Variants in SRSF7 observed in about 807,000 individuals in gnomAD.
SRSF7 encodes serine and arginine rich splicing factor 7, also known as serine/arginine-rich splicing factor 7.
SRSF7 carries 15 observed loss-of-function variants against 42.2 expected under a neutral mutation model. The observed-to-expected ratio is 0.36, with a 90% confidence interval of 0.24 to 0.55. The LOEUF (loss-of-function observed/expected upper bound fraction) is 0.55, where lower values mean the gene tolerates loss of function less well. Ranked by LOEUF, SRSF7 falls within the 20% of genes least tolerant of loss-of-function variation. The probability of loss-of-function intolerance (pLI) is 0.88; values close to 1 mark genes in which losing one functional copy is unlikely to be tolerated. For missense variants in SRSF7, 181 were observed against 305.9 expected (o/e 0.59, Z 3.04); for synonymous variants, 138 against 107.9 (o/e 1.28, Z -1.73).
Position 38,744,672 on chromosome 2 carries a change from G to C in SRSF7, c.*461C>G. ...ATGATGCATTCAGGCTGTATCATAA[G>C]GGACTCAGGTCATCTTACCCAGAGC... is the stretch of plus-strand genomic sequence containing the variant. On this transcript the variant is annotated 3_prime_UTR_variant, in exon 8 of 8. Coordinates refer to ENST00000313117, the MANE Select transcript of SRSF7 (RefSeq NM_001031684.3). The C allele has an allele frequency of 6.2e-6, 1 of 161,264 alleles. No homozygotes were observed. The highest frequency in any genetic ancestry group is 2.4e-5 in the African/African-American group (1 of 41,456). 10.0% of individuals were successfully genotyped at this position (161,264 alleles called of 1,614,324 possible).
At chr2:38,746,211 A>G (rs1017209939) in intron 6 of SRSF7, 32 bp from the exon 7 acceptor site, 3 of 1,612,752 alleles carry the variant, frequency 1.9e-6, no homozygotes, top group South Asian at 1.1e-5. Context: ...TATTAAAGAA[A>G]GAGTACTAAC....
chr2:38,750,289 T>C (rs922686951), intron 1 of SRSF7, 95 bp from the exon 2 acceptor site: 16 of 1,176,620 alleles, frequency 1.4e-5, no homozygotes, highest in African/African-American at 4.6e-5. Context: ...TCCTCAAGAT[T>C]GGGTAAAGCA....
intron 4 of SRSF7, 103 bp downstream of exon 4, chr2:38,748,476 G>C: frequency 8.3e-7 from 1 of 1,203,922 alleles, no homozygotes. Context: ...CCGGGTGACA[G>C]AGCAAGACCC....
intron 7 of SRSF7, among the ~76,000 whole-genome samples, 162 bp downstream of exon 7, chr2:38,745,982 A>G (rs538324783): frequency 3.2e-4 from 49 of 152,172 alleles, no homozygotes; most frequent in Non-Finnish European, 6.8e-4. Flanking sequence ...AACTAATGTT[A>G]CTGAATCAAA....
chr2:38,750,986 C>T (rs1160698482), intron 1 of SRSF7: 4 of 480,210 alleles, frequency 8.3e-6, no homozygotes, highest in Non-Finnish European at 1.5e-5. Flanking sequence ...TCATCTCAAC[C>T]CTGCTTTAGG....
rs958178391 is a variant in SRSF7, at chr2:38,750,258, T to C, written c.29-64A>G. 8 of 1,502,416 alleles carry C rather than the reference T, an allele frequency of 5.3e-6. No homozygotes were observed. The African/African-American group carries it at 9.8e-5, about 18-fold the overall frequency. 93.1% of individuals were successfully genotyped at this position (1,502,416 alleles called of 1,614,324 possible). On this transcript the variant is annotated intron_variant, in intron 1 of 7. Coordinates refer to ENST00000313117, the MANE Select transcript of SRSF7 (RefSeq NM_001031684.3). The stretch of plus-strand genomic sequence containing the variant: ...AAATCTGGCCCAAGTTTCAATTACT[T>C]ATTTGCCTTAAAACGGGCCATCCTC...
chr2:38,747,795 G>A (rs924900311), intron 5 of SRSF7, among the ~76,000 whole-genome samples: 3 of 152,178 alleles, frequency 2.0e-5, no homozygotes, highest in Non-Finnish European at 4.4e-5. Context: ...TGCCTACCCA[G>A]AGTGTTGAGT....
chr2:38,748,818 TAAAA>T, intron 3 of SRSF7, 165 bp from the exon 4 acceptor site: 4 of 1,257,696 alleles, frequency 3.2e-6, no homozygotes, highest in Non-Finnish European at 4.3e-6. Flanking sequence ...TTTTACTACC[TAAAA>T]AAAGATTTGT....
intron 1 of SRSF7, chr2:38,750,914 CGCCGAG>C (rs1348519125): frequency 5.3e-6 from 2 of 377,066 alleles, no homozygotes; most frequent in Admixed American, 7.5e-5. Flanking sequence ...TGGCAGCCGC[CGCCGAG>C]GGCGGGGGGG....
chr2:38,746,122 G>C, intron 7 of SRSF7, 22 bp downstream of exon 7: 1 of 1,613,964 alleles, frequency 6.2e-7, no homozygotes, highest in Admixed American at 1.7e-5. Context: ...GGCAAGATTT[G>C]GCAACAAAAC....
intron 6 of SRSF7, 95 bp downstream of exon 6, chr2:38,746,599 G>A: frequency 1.3e-6 from 2 of 1,567,666 alleles, no homozygotes; most frequent in South Asian, 1.2e-5. Flanking sequence ...TAAGTTTAGA[G>A]TTAACACTTA....
chr2:38,749,623 G>A lies in SRSF7; in HGVS notation c.292C>T (p.Arg98Cys). 1 of 1,608,770 alleles carries A rather than the reference G, an allele frequency of 6.2e-7. No individual in the cohort carries two copies. The highest frequency in any genetic ancestry group is 8.5e-7 in the Non-Finnish European group (1 of 1,178,698). ...RSRFDRPPAR[R>C]PFDPNDRCYE... Reference sequence around the variant, plus strand: ...CATCTATCATTTGGATCAAAGGGACGTCGGGCAGGTGGTCTATCAAAACGT... The same window carrying A: ...CATCTATCATTTGGATCAAAGGGACATCGGGCAGGTGGTCTATCAAAACGT... The change falls in exon 3 of 8, where the codon CGT (arginine) becomes TGT (cysteine). Residue 98 changes from arginine (R) to cysteine (C), a missense_variant. Arg to Cys is a radical substitution (Grantham distance 180, BLOSUM62 -3). Coordinates refer to ENST00000313117, the MANE Select transcript of SRSF7 (RefSeq NM_001031684.3).
chr2:38,744,882 C>T lies in SRSF7; in HGVS notation c.*251G>A. 2 of 440,494 alleles carry T rather than the reference C, an allele frequency of 4.5e-6. No individual in the cohort carries two copies. Among genetic ancestry groups the T allele is most frequent in the African/African-American group, 4.0e-5 (2 of 50,524 alleles). 27.3% of individuals were successfully genotyped at this position (440,494 alleles called of 1,614,324 possible). A position where few individuals can be genotyped will look rare whatever the true frequency, so the allele number is the denominator to read the frequency against. On this transcript the variant is annotated 3_prime_UTR_variant, in exon 8 of 8. Coordinates refer to ENST00000313117, the MANE Select transcript of SRSF7 (RefSeq NM_001031684.3). ...AATTAAGAAGTGTTAATATTGAACA[C>T]AAATCAAAAATCTAGTTAGAAACAT...
Position 38,751,281 on chromosome 2 carries a change from C to T in SRSF7, c.-25G>A. ...TGATGACAGACCCGCGTGCTCGGCTCTTTAGCAAGCAGCGCCCAGGGCTCG... is the reference window on the plus strand; with the variant it reads ...TGATGACAGACCCGCGTGCTCGGCTTTTTAGCAAGCAGCGCCCAGGGCTCG... On this transcript the variant is annotated 5_prime_UTR_variant, in exon 1 of 8. Coordinates refer to ENST00000313117, the MANE Select transcript of SRSF7 (RefSeq NM_001031684.3). 6.2e-7 allele frequency: 1 copy of T among 1,613,894 alleles called. No individual in the cohort carries two copies. The highest frequency in any genetic ancestry group is 1.1e-5 in the South Asian group (1 of 91,082).
In SRSF7 at chr2:38,746,323, C is replaced by T. The variant is rs566504578; in HGVS notation, c.627-144G>A. 1.1e-5 allele frequency: 10 copies of T among 931,284 alleles called. No homozygotes were observed. In the African/African-American group the frequency reaches 1.5e-4, roughly 14 times the overall value. 57.7% of individuals were successfully genotyped at this position (931,284 alleles called of 1,614,324 possible). A position where few individuals can be genotyped will look rare whatever the true frequency, so the allele number is the denominator to read the frequency against. ...CTGAAAAACATCCTACCAGTTGTTG[C>T]TAACAAAAGCCAATCTTTCAACAAC... On this transcript the variant is annotated intron_variant, in intron 6 of 7. Coordinates refer to ENST00000313117, the MANE Select transcript of SRSF7 (RefSeq NM_001031684.3).
intron 1 of SRSF7, chr2:38,750,899 C>A: frequency 2.7e-6 from 1 of 364,614 alleles, no homozygotes; most frequent in South Asian, 2.6e-5. Context: ...TCAATGTGCG[C>A]AAAATGGCAG....
Position 38,746,727 on chromosome 2 carries a change from G to A in SRSF7, c.593C>T (p.Ser198Leu). The change falls in exon 6 of 8, where the codon TCA (serine) becomes TTA (leucine). Residue 198 changes from serine to leucine, a missense_variant. Coordinates refer to ENST00000313117, the MANE Select transcript of SRSF7 (RefSeq NM_001031684.3). ...TGGTCGTGAAATAGACCTGGATCTT[G>A]ATCTTGACCTCGACGGGGATCTTAA... is the stretch of plus-strand genomic sequence containing the variant. ...RYFQSPSRSR[S>L]RSRSISRPRS... 1 of 1,613,826 alleles carries A rather than the reference G, an allele frequency of 6.2e-7. No individual in the cohort carries two copies. Among genetic ancestry groups the A allele is most frequent in the Non-Finnish European group, 8.5e-7 (1 of 1,179,874 alleles).
Position 38,748,566 on chromosome 2 carries a change from A to C in SRSF7, c.461+13T>G. 6.2e-7 allele frequency: 1 copy of C among 1,613,058 alleles called. No homozygotes were observed. Among genetic ancestry groups the C allele is most frequent in the Non-Finnish European group, 8.5e-7 (1 of 1,179,088 alleles). ...TAATAATACAGAAAGACTTCAGTTA[A>C]ACAAGATCTCACCTTCGTCCCCTGC... On this transcript the variant is annotated intron_variant, in intron 4 of 7. Transcript: ENST00000313117.
intron 4 of SRSF7, 62 bp from the exon 5 acceptor site, chr2:38,748,219 T>G: frequency 7.8e-7 from 1 of 1,282,290 alleles, no homozygotes; most frequent in Non-Finnish European, 1.1e-6. Flanking sequence ...TGTTAAGACT[T>G]CAACTGGGGA....
Sources: gnomAD v4.1 joint callset for allele counts (sites outside exome capture counted in the v4.1 genomes callset) on GRCh38, gnomAD v4.1.1 for gene constraint, MANE v1.5 for transcripts, NCBI Gene and HGNC (gene_info 2026-07-23, HGNC 2026-07-21) for gene names.